Variants in GPLD1 observed in about 807,000 individuals in gnomAD.
GPLD1 encodes phosphatidylinositol-glycan-specific phospholipase D.
GPLD1 carries 84 observed loss-of-function variants against 112.6 expected under a neutral mutation model. That is an observed-to-expected ratio of 0.75 (90% CI 0.63 to 0.89). The LOEUF (loss-of-function observed/expected upper bound fraction) is 0.89. GPLD1 is among the 40% of genes least tolerant of loss of function. The pLI, the probability that GPLD1 is intolerant of heterozygous loss-of-function variation, is 0.00. For missense variants in GPLD1, 1,044 were observed against 1,051.5 expected, an observed-to-expected ratio of 0.99 and a Z score of 0.10; for synonymous variants, 386 against 403.8, an observed-to-expected ratio of 0.96 and a Z score of 0.53.
rs1376127783 is a variant in GPLD1, at chr6:24,460,159, GCCA to G, written c.1008+117_1008+119del. The G allele has an allele frequency of 3.4e-5, 40 of 1,182,274 alleles. No homozygotes were observed. In the East Asian group the frequency reaches 4.0e-4, roughly 12 times the overall value. 73.2% of individuals were successfully genotyped at this position (1,182,274 alleles called of 1,614,324 possible). ...GGGATCCTCTCAACTCAGCCTCCCAGCCACCACATCCCACCACAGGTAAATTTC... is the reference window on the plus strand; with the variant it reads ...GGGATCCTCTCAACTCAGCCTCCCAGCCACATCCCACCACAGGTAAATTTC... On this transcript the variant is annotated intron_variant, in intron 12 of 24. Coordinates refer to ENST00000230036, the MANE Select transcript of GPLD1 (RefSeq NM_001503.4).
intron 22 of GPLD1, among the ~76,000 whole-genome samples, chr6:24,433,907 G>A (rs1285326576): frequency 6.6e-6 from 1 of 152,084 alleles, no homozygotes; most frequent in Non-Finnish European, 1.5e-5. Context: ...AAACATTTAT[G>A]TGACTATTTA....
intron 15 of GPLD1, among the ~76,000 whole-genome samples, chr6:24,448,719 G>T (rs1292216157): frequency 1.3e-5 from 2 of 152,100 alleles, no homozygotes; most frequent in Non-Finnish European, 2.9e-5. Context: ...GCTCTTCCAT[G>T]AAGCCCCCGG....
chr6:24,436,585 T>C lies in GPLD1; in HGVS notation c.2349A>G (p.Pro783=). 6.2e-7 allele frequency: 1 copy of C among 1,613,462 alleles called. No homozygotes were observed. Residue 783 remains proline, a synonymous_variant, in exon 22 of 25, where the codon CCA becomes CCG. Coordinates refer to ENST00000230036, the MANE Select transcript of GPLD1 (RefSeq NM_001503.4). ...GKCKSWITPC[P]EEKAQYVLIS... is the part of the protein sequence containing the mutation. Reference sequence around the variant, plus strand: ...TTTGTAGAACACTTACCTTTTCTTCTGGACATGGAGTTATCCATGATTTGC... The same window carrying C: ...TTTGTAGAACACTTACCTTTTCTTCCGGACATGGAGTTATCCATGATTTGC...
At chr6:24,443,246 G>A (rs530668272) in intron 20 of GPLD1, among the ~76,000 whole-genome samples, 4 of 152,272 alleles carry the variant, frequency 2.6e-5, no homozygotes, top group East Asian at 1.9e-4. Context: ...AGAGCTCCCG[G>A]CTTCTAGTGA....
chr6:24,460,768 C>G (rs1215714562), intron 11 of GPLD1, among the ~76,000 whole-genome samples: 1 of 138,722 alleles, frequency 7.2e-6, no homozygotes, highest in Admixed American at 7.6e-5. Flanking sequence ...GAGACGGAGT[C>G]TTGCTCTGTC....
At chr6:24,440,638 G>A (rs1352980435) in intron 20 of GPLD1, among the ~76,000 whole-genome samples, 4 of 145,764 alleles carry the variant, frequency 2.7e-5, no homozygotes, top group South Asian at 2.2e-4. Context: ...CTGTGGTCCC[G>A]GCTACTTGTG....
upstream of GPLD1, among the ~76,000 whole-genome samples, chr6:24,493,279 C>T (rs1764603423): frequency 6.6e-6 from 1 of 152,156 alleles, no homozygotes; most frequent in Non-Finnish European, 1.5e-5. Context: ...CATTCAAGAC[C>T]AGCCTGGCCA....
intron 18 of GPLD1, 103 bp from the exon 19 acceptor site, chr6:24,445,934 T>A: frequency 1.3e-6 from 1 of 794,038 alleles, no homozygotes; most frequent in Non-Finnish European, 2.2e-6. Flanking sequence ...CATCCAGGCC[T>A]CCCAGCAGGC....
Position 24,427,053 on chromosome 6 carries a change from G to T in GPLD1, c.*1979C>A, listed in dbSNP as rs3818936. On this transcript the variant is annotated 3_prime_UTR_variant, in exon 25 of 25. Coordinates refer to ENST00000230036, the MANE Select transcript of GPLD1 (RefSeq NM_001503.4). The stretch of plus-strand genomic sequence containing the variant: ...CTCTTGAGAGAAGCTGAGAAGAGAA[G>T]GGCTCTTCTCATTTGTTATTTTCTC... 0.12 allele frequency among the ~76,000 whole-genome samples: 18,748 copies of T among 152,184 alleles called. 1,487 individuals are homozygous for T. Among genetic ancestry groups the T allele is most frequent in the East Asian group, 0.16 (816 of 5,174 alleles).
intron 10 of GPLD1, 145 bp downstream of exon 10, chr6:24,466,535 C>T (rs1246545908): frequency 6.4e-6 from 4 of 629,068 alleles, no homozygotes; most frequent in Non-Finnish European, 1.1e-5. Flanking sequence ...TCCATTCTTT[C>T]CCTCTTTGAA....
At chr6:24,449,969 G>C in intron 14 of GPLD1, 70 bp from the exon 15 acceptor site, 2 of 1,073,098 alleles carry the variant, frequency 1.9e-6, no homozygotes, top group South Asian at 2.8e-5. Context: ...TGACCCCCAG[G>C]GAGTAGAGAG....
chr6:24,424,864 G>A (rs1762174720), downstream of GPLD1: 1 of 152,180 alleles, frequency 6.6e-6, no homozygotes, highest in African/African-American at 2.4e-5. Context: ...CATTTTTCAG[G>A]TGGTTTGGTG....
At chr6:24,441,633 C>T (rs1187324063) in intron 20 of GPLD1, among the ~76,000 whole-genome samples, 1 of 152,176 alleles carries the variant, frequency 6.6e-6, no homozygotes. Flanking sequence ...TGTGTCTAAC[C>T]TGATTCCAAG....
At chr6:24,465,483 C>T (rs531944620) in intron 10 of GPLD1, among the ~76,000 whole-genome samples, 30 of 151,838 alleles carry the variant, frequency 2.0e-4, no homozygotes, top group African/African-American at 7.2e-4. Flanking sequence ...GAGGTTGTAG[C>T]GAGCTGAGAT....
chr6:24,439,220 T>G (rs1389231234), intron 20 of GPLD1, among the ~76,000 whole-genome samples: 4 of 152,208 alleles, frequency 2.6e-5, no homozygotes, highest in Admixed American at 2.6e-4. Flanking sequence ...GGCTTCTCCC[T>G]CTGGCTCTGC....
chr6:24,438,558 G>A (rs367611530), intron 20 of GPLD1, among the ~76,000 whole-genome samples: 1 of 152,188 alleles, frequency 6.6e-6, no homozygotes, highest in Non-Finnish European at 1.5e-5. Flanking sequence ...GCCACTGAGG[G>A]CTCAAAGCAG....
chr6:24,490,397 A>C (rs564336318), upstream of GPLD1, among the ~76,000 whole-genome samples: 24 of 152,310 alleles, frequency 1.6e-4, no homozygotes, highest in Admixed American at 4.6e-4. Flanking sequence ...ATGGGCTCCT[A>C]AAAGAGTGGG....
intron 2 of GPLD1, among the ~76,000 whole-genome samples, chr6:24,482,836 T>G (rs1764249750): frequency 1.3e-5 from 2 of 151,918 alleles, no homozygotes; most frequent in Admixed American, 6.6e-5. Context: ...GTGCAGCTAC[T>G]TGGGAGGCTG....
At chr6:24,434,080 C>T (rs114186712) in intron 22 of GPLD1, among the ~76,000 whole-genome samples, 1,735 of 151,960 alleles carry the variant, frequency 0.011, 16 homozygotes, top group South Asian at 0.047. Context: ...AAAATGTTCT[C>T]GGTATATTGT....
Sources: allele counts gnomAD v4.1 joint callset (sites outside exome capture counted in the v4.1 genomes callset), GRCh38; gene constraint gnomAD v4.1.1; transcripts MANE v1.5; gene names NCBI Gene and HGNC (gene_info 2026-07-23, HGNC 2026-07-21).